The following SAFB variants were observed in gnomAD, a reference collection of about 807,000 sequenced individuals.
SAFB encodes the protein scaffold attachment factor B.
SAFB carries 15 observed loss-of-function variants against 101.6 expected under a neutral mutation model. The observed-to-expected ratio is 0.15, with a 90% confidence interval of 0.10 to 0.23. The LOEUF is 0.23. Among genes scored for constraint, SAFB ranks in the 10% least tolerant of loss-of-function variants. The probability of loss-of-function intolerance (pLI) is 1.00; values close to 1 mark genes in which losing one functional copy is unlikely to be tolerated. For missense variants in SAFB, 930 were observed against 1,104.1 expected (o/e 0.84, Z 2.23); for synonymous variants, 449 against 407.5 (o/e 1.10, Z -1.23).
intron 13 of SAFB, among the ~76,000 whole-genome samples, chr19:5,655,134 G>C (rs1270777793): frequency 6.6e-6 from 1 of 152,044 alleles, no homozygotes; most frequent in Admixed American, 6.6e-5. Context: ...TCTCCACCTT[G>C]ACCCCTTCCT....
chr19:5,638,557 A>G (rs2053639927), intron 2 of SAFB, among the ~76,000 whole-genome samples: 2 of 151,978 alleles, frequency 1.3e-5, no homozygotes, highest in East Asian at 1.9e-4. Flanking sequence ...TCCTGACCTC[A>G]GGTGACCCAC....
intron 2 of SAFB, among the ~76,000 whole-genome samples, chr19:5,641,051 G>A (rs2436501): frequency 0.058 from 8,811 of 151,508 alleles, 303 homozygotes; most frequent in Middle Eastern, 0.12. Context: ...TGTATTTTTA[G>A]TAGAGACGGG....
intron 14 of SAFB, among the ~76,000 whole-genome samples, chr19:5,661,065 G>A (rs528686125): frequency 5.4e-5 from 8 of 149,356 alleles, no homozygotes; most frequent in African/African-American, 2.0e-4. Flanking sequence ...CTACAGGTGC[G>A]TGCGTGCCAC....
chr19:5,667,282 C>T lies in SAFB; in HGVS notation c.2454-65C>T. ...AGAGGGATTCACTCTCCAGAAGCCG[C>T]CACAGTTATTAGCACAAGAGCCAGA... On this transcript the variant is annotated intron_variant, in intron 18 of 20. Transcript: ENST00000588852. The surrounding 1 kb of genome is among the most constrained non-coding windows in gnomAD (Gnocchi z 4.0). 1 of 1,345,446 alleles carries T rather than the reference C, an allele frequency of 7.4e-7. No homozygotes were observed. Among genetic ancestry groups the T allele is most frequent in the Admixed American group, 2.8e-5 (1 of 35,504 alleles). The allele number at this position is 1,345,446 out of a possible 1,614,324, so 83.3% of individuals were successfully genotyped here.
intron 9 of SAFB, among the ~76,000 whole-genome samples, chr19:5,651,692 G>A (rs1213663929): frequency 6.6e-6 from 1 of 152,116 alleles, no homozygotes; most frequent in African/African-American, 2.4e-5. Flanking sequence ...CCTCCTCCCT[G>A]TGCTTTCTCA....
At chr19:5,653,015 C>T (rs1259452536) in intron 9 of SAFB, 100 bp from the exon 10 acceptor site, 13 of 1,200,080 alleles carry the variant, frequency 1.1e-5, no homozygotes, top group African/African-American at 1.5e-5. Flanking sequence ...TAACACTTGT[C>T]GGACCCCTGA....
chr19:5,644,615 G>A (rs576590117), intron 4 of SAFB, among the ~76,000 whole-genome samples: 4 of 152,316 alleles, frequency 2.6e-5, no homozygotes, highest in East Asian at 1.9e-4. Flanking sequence ...GTGAAATATA[G>A]TGATAAAAAT....
At chr19:5,668,119 G>A (rs1279290227) in intron 20 of SAFB, 43 bp from the exon 21 acceptor site, 1 of 1,596,036 alleles carries the variant, frequency 6.3e-7, no homozygotes, top group Non-Finnish European at 8.5e-7. Context: ...GGGCCGGGGA[G>A]CAGGAGGACT....
chr19:5,633,327 C>T (rs1381657499), intron 2 of SAFB, among the ~76,000 whole-genome samples: 1 of 152,092 alleles, frequency 6.6e-6, no homozygotes, highest in Non-Finnish European at 1.5e-5. Context: ...CAGACAGGCT[C>T]CCCTGTCATT....
chr19:5,629,650 A>G (rs2053446717), intron 2 of SAFB, among the ~76,000 whole-genome samples: 1 of 152,216 alleles, frequency 6.6e-6, no homozygotes, highest in African/African-American at 2.4e-5. Context: ...GTTTGCACGA[A>G]CCAGAGATAA....
intron 2 of SAFB, among the ~76,000 whole-genome samples, chr19:5,627,286 C>T (rs1282701690): frequency 1.3e-5 from 2 of 152,046 alleles, no homozygotes; most frequent in Non-Finnish European, 2.9e-5. Context: ...TTGAGACCAG[C>T]CTGGGCTGCC....
intron 4 of SAFB, 43 bp downstream of exon 4, chr19:5,641,989 C>G: frequency 8.2e-6 from 12 of 1,466,718 alleles, no homozygotes; most frequent in Non-Finnish European, 1.1e-5. Flanking sequence ...CTGAATGTAT[C>G]AGTTCCACAA....
At chr19:5,650,012 G>T (rs1337499464) in intron 8 of SAFB, 37 bp downstream of exon 8, 1 of 1,540,504 alleles carries the variant, frequency 6.5e-7, no homozygotes, top group Non-Finnish European at 9.0e-7. Context: ...CTTGGAGCAT[G>T]TATGGCCTGG....
chr19:5,652,490 A>G (rs1387184791), intron 9 of SAFB, among the ~76,000 whole-genome samples: 1 of 152,180 alleles, frequency 6.6e-6, no homozygotes, highest in Non-Finnish European at 1.5e-5. Context: ...CATGATGAGC[A>G]TGATTACCAG....
In SAFB at chr19:5,641,670, C is replaced by T; in HGVS notation, c.339+12C>T. ...CTGGGGATGGACAGGTATGTGCAGCCTTGCGAGTGAGTAGCGTGGTGGATG... is the reference window on the plus strand; with the variant it reads ...CTGGGGATGGACAGGTATGTGCAGCTTTGCGAGTGAGTAGCGTGGTGGATG... On this transcript the variant is annotated intron_variant, in intron 3 of 20. Coordinates refer to ENST00000588852, the MANE Select transcript of SAFB (RefSeq NM_001201338.2). 6.2e-7 allele frequency: 1 copy of T among 1,613,836 alleles called. No individual in the cohort carries two copies. The highest frequency in any genetic ancestry group is 1.1e-5 in the South Asian group (1 of 91,054).
intron 11 of SAFB, 27 bp from the exon 12 acceptor site, chr19:5,654,034 C>T: frequency 6.2e-7 from 1 of 1,612,046 alleles, no homozygotes; most frequent in Non-Finnish European, 8.5e-7. Context: ...AGCCACCACG[C>T]CCAGCCAACA....
At chr19:5,630,920 G>C (rs1008302509) in intron 2 of SAFB, among the ~76,000 whole-genome samples, 1 of 152,112 alleles carries the variant, frequency 6.6e-6, no homozygotes, top group African/African-American at 2.4e-5. Context: ...GGCTGGGCGT[G>C]GTGGCTCATG....
At chr19:5,650,777 C>G (rs566746725) in intron 8 of SAFB, among the ~76,000 whole-genome samples, 1 of 152,252 alleles carries the variant, frequency 6.6e-6, no homozygotes, top group Admixed American at 6.5e-5. Context: ...TTGTGACGGG[C>G]CCTGTGGTAG....
At position 5,623,162 on chromosome 19, in the gene SAFB, G is replaced by T. The variant is rs750939228; in HGVS notation, c.-44G>T. 16 of 1,543,442 alleles carry T rather than the reference G, an allele frequency of 1.0e-5. No homozygotes were observed. The South Asian group carries it at 1.8e-4, about 17-fold the overall frequency. ...TTGTGCTAGGAGCCTGATAAAACCG[G>T]CCCGGTTCTGTGGAAAGTGGGCGGC... On this transcript the variant is annotated 5_prime_UTR_variant, in exon 1 of 21. Coordinates refer to ENST00000588852, the MANE Select transcript of SAFB (RefSeq NM_001201338.2).
Sources: gnomAD v4.1 joint callset for allele counts (sites outside exome capture counted in the v4.1 genomes callset) on GRCh38, gnomAD v4.1.1 for gene constraint, Gnocchi (gnomAD v3.1) non-coding constraint, MANE v1.5 for transcripts, NCBI Gene and HGNC (gene_info 2026-07-23, HGNC 2026-07-21) for gene names.